TAF4: variants seen among roughly 807,000 people sequenced by gnomAD.
TAF4 encodes the protein transcription initiation factor TFIID subunit 4.
A neutral mutation model predicts 90.3 loss-of-function variants in TAF4; 9 were observed. The ratio of observed to expected loss-of-function variants is 0.10; its 90% CI spans 0.06 to 0.17. The LOEUF (loss-of-function observed/expected upper bound fraction) is 0.17. TAF4 is among the 10% of genes least tolerant of loss of function. TAF4 has a pLI of 1.00. For synonymous variants in TAF4, 818 were observed against 638.9 expected (o/e 1.28, Z -4.23); for missense variants, 1,351 against 1,370.7 (o/e 0.99, Z 0.23).
At chr20:62,000,526 A>C (rs1459387463) in intron 10 of TAF4, 26 bp downstream of exon 10, 2 of 1,604,452 alleles carry the variant, frequency 1.2e-6, no homozygotes, top group Non-Finnish European at 1.7e-6. Flanking sequence ...GTTTAATAAG[A>C]ACTCAGTCAT....
intron 2 of TAF4, among the ~76,000 whole-genome samples, chr20:62,013,683 C>T (rs575529809): frequency 2.0e-5 from 3 of 152,236 alleles, no homozygotes; most frequent in African/African-American, 4.8e-5. Context: ...TCTTCACAAA[C>T]CTGCCAGGTC....
intron 8 of TAF4, 52 bp from the exon 9 acceptor site, chr20:62,003,326 T>A: frequency 6.9e-7 from 1 of 1,457,846 alleles, no homozygotes; most frequent in South Asian, 1.1e-5. Flanking sequence ...TTAGATCAAC[T>A]ATGTGCTTTG....
At chr20:62,059,952 CATT>C (rs772501023) in intron 1 of TAF4, among the ~76,000 whole-genome samples, 2 of 152,268 alleles carry the variant, frequency 1.3e-5, no homozygotes, top group Non-Finnish European at 2.9e-5. Flanking sequence ...AGAAAACTCA[CATT>C]ATACAGTAGA....
At chr20:62,020,849 A>G (rs747678624) in intron 1 of TAF4, among the ~76,000 whole-genome samples, 7 of 152,244 alleles carry the variant, frequency 4.6e-5, no homozygotes, top group Admixed American at 1.3e-4. Flanking sequence ...CAGATGAGAA[A>G]ATGTGAAGGA....
rs771462050 is a variant in TAF4, at chr20:62,006,682, G to A, written c.2051C>T (p.Pro684Leu). ...FIQQSQQQPPPPTSQATTALT... is the reference protein window; with the variant it reads ...FIQQSQQQPPLPTSQATTALT... ...CGCAGTGGTGGCCTGCGAGGTGGGC[G>A]GTGGCGGCTGCTGCTGGCTCTGCTG... Residue 684 changes from proline (P) to leucine (L), a missense_variant, in exon 7 of 15, where the codon CCG (proline) becomes CTG (leucine). By Grantham distance (98) the Pro-to-Leu change is moderately conservative. Coordinates refer to ENST00000252996, the MANE Select transcript of TAF4 (RefSeq NM_003185.4). The surrounding 1 kb of genome is among the most constrained non-coding windows in gnomAD (Gnocchi z 7.0). 3.0e-5 allele frequency: 48 copies of A among 1,593,696 alleles called. No homozygotes were observed. The highest frequency in any genetic ancestry group is 1.2e-4 in the South Asian group (11 of 89,648).
intron 1 of TAF4, among the ~76,000 whole-genome samples, chr20:62,034,889 C>T (rs1247803416): frequency 2.0e-5 from 3 of 148,420 alleles, no homozygotes; most frequent in East Asian, 2.1e-4. Context: ...GGCGCAATCT[C>T]GGCTCACTGC....
intron 4 of TAF4, 43 bp from the exon 5 acceptor site, chr20:62,009,217 C>A (rs2055764461): frequency 1.3e-6 from 2 of 1,566,416 alleles, no homozygotes; most frequent in African/African-American, 2.7e-5. Context: ...TCTTAAAAGG[C>A]AGATTTTTGT....
chr20:62,006,750 T>C lies in TAF4; in HGVS notation c.1983A>G (p.Leu661=), dbSNP rs1181389582. Reference sequence around the variant, plus strand: ...CGGGGGTCAGCTGTCTCAAGGCGGGTAAGCTCCTCTGGGTGGAAAGACAGA... The same window carrying C: ...CGGGGGTCAGCTGTCTCAAGGCGGGCAAGCTCCTCTGGGTGGAAAGACAGA... The part of the protein sequence containing the change: ...PYLVPFLKRS[L]PALRQLTPDS... The change falls in exon 7 of 15, where the codon TTA becomes TTG. Residue 661 remains leucine, a synonymous_variant. Coordinates refer to ENST00000252996, the MANE Select transcript of TAF4 (RefSeq NM_003185.4). This position sits in a 1 kb window ranked among gnomAD's most constrained non-coding sequence, Gnocchi z 7.0. 1 of 1,512,540 alleles carries C rather than the reference T, an allele frequency of 6.6e-7. No individual in the cohort carries two copies. Among genetic ancestry groups the C allele is most frequent in the Middle Eastern group, 1.8e-4 (1 of 5,588 alleles). The allele number at this position is 1,512,540 out of a possible 1,614,324, so 93.7% of individuals were successfully genotyped here.
chr20:62,047,577 C>A (rs1481418960), intron 1 of TAF4, among the ~76,000 whole-genome samples: 1 of 152,186 alleles, frequency 6.6e-6, no homozygotes, highest in East Asian at 1.9e-4. Flanking sequence ...CAAGTGAAGA[C>A]CCCATCACAT....
chr20:62,064,577 G>A lies in TAF4; in HGVS notation c.1234C>T (p.Leu412=), dbSNP rs756164065. 9 of 1,506,848 alleles carry A rather than the reference G, an allele frequency of 6.0e-6. No individual in the cohort carries two copies. Among genetic ancestry groups the A allele is most frequent in the Middle Eastern group, 1.9e-4 (1 of 5,402 alleles). The allele number at this position is 1,506,848 out of a possible 1,614,324, so 93.3% of individuals were successfully genotyped here. Residue 412 remains leucine, a synonymous_variant, in exon 1 of 15, where the codon CTG becomes TTG. Coordinates refer to ENST00000252996, the MANE Select transcript of TAF4 (RefSeq NM_003185.4). ...KGAAGAVTQS[L]SRTPTATTSG... ...GTGGTGGCCGTGGGCGTCCGGGACA[G>A]GCTCTGGGTCACTGCGCCGGCCGCG...
Position 62,003,152 on chromosome 20 carries a change from T to C in TAF4, c.2486+8A>G. 6.2e-7 allele frequency: 1 copy of C among 1,612,338 alleles called. No individual in the cohort carries two copies. The highest frequency in any genetic ancestry group is 8.5e-7 in the Non-Finnish European group (1 of 1,178,382). ...CGCTTCTCCAACGTACACAGGCCCA[T>C]TCCTTACCGAAACGAACCTCCCCCA... is the stretch of plus-strand genomic sequence containing the variant. On this transcript the variant is annotated splice_region_variant and intron_variant, in intron 9 of 14. Transcript: ENST00000252996.
At chr20:62,009,449 G>T (rs537138070) in intron 4 of TAF4, among the ~76,000 whole-genome samples, 1 of 152,340 alleles carries the variant, frequency 6.6e-6, no homozygotes, top group South Asian at 2.1e-4. Flanking sequence ...AAGAGACTCT[G>T]CGAAGATGCC....
chr20:62,046,566 C>T (rs370868322), intron 1 of TAF4, among the ~76,000 whole-genome samples: 4 of 152,248 alleles, frequency 2.6e-5, no homozygotes, highest in African/African-American at 7.2e-5. Flanking sequence ...TCTCACCATA[C>T]GGATCTATCA....
rs2055750583 is a variant in TAF4 at position 62,007,027 on chromosome 20, G to C, written c.1975-269C>G. The C allele has an allele frequency of 8.0e-6, 3 of 374,496 alleles. No homozygotes were observed. In the East Asian group the frequency reaches 1.2e-4, roughly 15 times the overall value. 23.2% of individuals were successfully genotyped at this position (374,496 alleles called of 1,614,324 possible). A position where few individuals can be genotyped will look rare whatever the true frequency, so the allele number is the denominator to read the frequency against. Reference sequence around the variant, plus strand: ...ATTTTTAAAAAACTTTTTAAAATATGTTAACATCACTGGAAGAGAAGATTC... The same window carrying C: ...ATTTTTAAAAAACTTTTTAAAATATCTTAACATCACTGGAAGAGAAGATTC... On this transcript the variant is annotated intron_variant, in intron 6 of 14. Transcript: ENST00000252996.
At chr20:61,993,427 C>T (rs111482239) in intron 14 of TAF4, among the ~76,000 whole-genome samples, 3,640 of 152,298 alleles carry the variant, frequency 0.024, 63 homozygotes, top group Middle Eastern at 0.058. Context: ...ACGCAGGACA[C>T]ACCCCAGGCC....
In TAF4 at chr20:61,976,035, G is replaced by T; in HGVS notation, c.*133C>A. Reference sequence around the variant, plus strand: ...AACGTGTTTTCTTTCACACTGAAGAGCTGATTTAGAAACAGGAATATAAAA... The same window carrying T: ...AACGTGTTTTCTTTCACACTGAAGATCTGATTTAGAAACAGGAATATAAAA... On this transcript the variant is annotated 3_prime_UTR_variant, in exon 15 of 15. Transcript: ENST00000252996. The T allele has an allele frequency of 1.1e-6, 1 of 946,472 alleles. No individual in the cohort carries two copies. Among genetic ancestry groups the T allele is most frequent in the Non-Finnish European group, 1.6e-6 (1 of 627,686 alleles). The allele number at this position is 946,472 out of a possible 1,614,324, so 58.6% of individuals were successfully genotyped here.
chr20:61,976,633 C>G lies in TAF4; in HGVS notation c.3091-298G>C, dbSNP rs576983978. On this transcript the variant is annotated intron_variant, in intron 14 of 14. Transcript: ENST00000252996. Reference sequence around the variant, plus strand: ...GGATGGACTAGGGGGTGGCACCCACCCAAGGCAAATGGCTGAGCGGCCCCA... The same window carrying G: ...GGATGGACTAGGGGGTGGCACCCACGCAAGGCAAATGGCTGAGCGGCCCCA... Among the ~76,000 whole-genome samples, 6 of 152,224 alleles carry G rather than the reference C, an allele frequency of 3.9e-5. No individual in the cohort carries two copies. The East Asian group carries it at 1.2e-3, about 29-fold the overall frequency.
At chr20:62,003,129 C>G in intron 9 of TAF4, 31 bp downstream of exon 9, 2 of 1,585,358 alleles carry the variant, frequency 1.3e-6, no homozygotes, top group African/African-American at 1.3e-5. Flanking sequence ...TCTGGCCACG[C>G]TTCTCCAACG....
At position 62,065,160 on chromosome 20, in the gene TAF4, C is replaced by T. The variant is rs2056119914; in HGVS notation, c.651G>A (p.Leu217=). The T allele has an allele frequency of 4.1e-6, 5 of 1,207,322 alleles. No individual in the cohort carries two copies. The highest frequency in any genetic ancestry group is 5.3e-6 in the Non-Finnish European group (5 of 948,170). 74.8% of individuals were successfully genotyped at this position (1,207,322 alleles called of 1,614,324 possible). A position where few individuals can be genotyped will look rare whatever the true frequency, so the allele number is the denominator to read the frequency against. Residue 217 remains leucine (L), a synonymous_variant, in exon 1 of 15, where the codon CTG becomes CTA. Transcript: ENST00000252996. ...GCAGCGCGGCGGGCCCGTTGTTGAC[C>T]AGGCTGACAGCAGGTGCGGCGGCGT... ...SHHAAAPAVS[L]VNNGPAALLP...
Sources: allele counts gnomAD v4.1 joint callset (sites outside exome capture counted in the v4.1 genomes callset), GRCh38; gene constraint gnomAD v4.1.1; non-coding constraint Gnocchi (gnomAD v3.1); transcripts MANE v1.5; gene names NCBI Gene and HGNC (gene_info 2026-07-23, HGNC 2026-07-21).